Variants in ARHGAP21 observed in about 807,000 individuals in gnomAD.
ARHGAP21 encodes rho GTPase-activating protein 21.
Under a neutral mutation model 164.6 loss-of-function variants are expected in ARHGAP21, and 38 were observed. The ratio of observed to expected loss-of-function variants is 0.23; its 90% CI spans 0.18 to 0.30. The LOEUF (loss-of-function observed/expected upper bound fraction) is 0.30. ARHGAP21 is among the 10% of genes least tolerant of loss of function. The pLI, the probability that ARHGAP21 is intolerant of heterozygous loss-of-function variation, is 1.00. For synonymous variants in ARHGAP21, 766 were observed against 857.9 expected, an observed-to-expected ratio of 0.89 and a Z score of 1.87; for missense variants, 1,822 against 2,370.7, an observed-to-expected ratio of 0.77 and a Z score of 4.81.
At position 24,600,781 on chromosome 10, in the gene ARHGAP21, A is replaced by G; in HGVS notation, c.2997T>C (p.Ser999=). Residue 999 remains serine (S), a synonymous_variant, in exon 14 of 26, where the codon TCT becomes TCC. Transcript: ENST00000396432. ...CATTTTTCCTCTTGGTCTCACTGTAAGAGATGTCTATCAAGCAAGCATTAA... is the reference window on the plus strand; with the variant it reads ...CATTTTTCCTCTTGGTCTCACTGTAGGAGATGTCTATCAAGCAAGCATTAA... The part of the protein sequence containing the change: ...ISVNACLIDI[S]YSETKRKNVF... 1 of 1,614,090 alleles carries G rather than the reference A, an allele frequency of 6.2e-7. No individual in the cohort carries two copies. The highest frequency in any genetic ancestry group is 8.5e-7 in the Non-Finnish European group (1 of 1,179,966).
At chr10:24,719,456 T>C (rs1845714246) in intron 2 of ARHGAP21, among the ~76,000 whole-genome samples, 1 of 152,210 alleles carries the variant, frequency 6.6e-6, no homozygotes, top group Non-Finnish European at 1.5e-5. Flanking sequence ...AAGGTGGAGT[T>C]GGCTAATTAG....
At chr10:24,656,369 C>T (rs1478271368) in intron 4 of ARHGAP21, among the ~76,000 whole-genome samples, 12 of 106,580 alleles carry the variant, frequency 1.1e-4, no homozygotes, top group African/African-American at 4.1e-4. Flanking sequence ...CCCGGCCAGC[C>T]GCCCCGTCCG....
intron 7 of ARHGAP21, among the ~76,000 whole-genome samples, chr10:24,628,630 T>C (rs1156354598): frequency 6.6e-6 from 1 of 151,952 alleles, no homozygotes; most frequent in Non-Finnish European, 1.5e-5. Context: ...AATAAATACT[T>C]CAGCGGCCAC....
Position 24,620,633 on chromosome 10 carries a change from C to T in ARHGAP21, c.1262G>A (p.Ser421Asn), listed in dbSNP as rs2131185444. 1 of 1,614,220 alleles carries T rather than the reference C, an allele frequency of 6.2e-7. No individual in the cohort carries two copies. The highest frequency in any genetic ancestry group is 1.7e-5 in the Admixed American group (1 of 60,026). The change falls in exon 9 of 26, where the codon AGC becomes AAC. Residue 421 changes from serine (S) to asparagine (N), a missense_variant. By Grantham distance (46) the Ser-to-Asn change is conservative (BLOSUM62 1). Transcript: ENST00000396432. Reference protein sequence around the residue: ...RLDSLRAASQSTTDYNQVVPN... With the variant: ...RLDSLRAASQNTTDYNQVVPN... ...GACGACCTGGTTATAATCTGTCGTG[C>T]TTTGAGATGCTGCTCTTAAACTATC...
chr10:24,695,644 C>G (rs993084345), intron 2 of ARHGAP21, among the ~76,000 whole-genome samples: 1 of 152,002 alleles, frequency 6.6e-6, no homozygotes, highest in Non-Finnish European at 1.5e-5. Flanking sequence ...AGCACTGTGA[C>G]CTGTCTCGCC....
intron 7 of ARHGAP21, among the ~76,000 whole-genome samples, chr10:24,623,496 T>C (rs1374142181): frequency 2.0e-5 from 3 of 152,248 alleles, no homozygotes; most frequent in Non-Finnish European, 4.4e-5. Context: ...AGTATTTTTA[T>C]GGCATGAATA....
chr10:24,662,962 G>T (rs550758924), intron 4 of ARHGAP21, among the ~76,000 whole-genome samples: 2 of 81,136 alleles, frequency 2.5e-5, no homozygotes, highest in African/African-American at 9.2e-5. Flanking sequence ...GCAGATATGC[G>T]GATTTTTTTT....
chr10:24,701,840 T>C (rs571884283), intron 2 of ARHGAP21, among the ~76,000 whole-genome samples: 53 of 152,308 alleles, frequency 3.5e-4, no homozygotes, highest in African/African-American at 1.2e-3. Flanking sequence ...GCAGGCTGTA[T>C]ACAAGTATCT....
chr10:24,680,288 AT>A (rs1258387090), intron 2 of ARHGAP21, among the ~76,000 whole-genome samples: 5 of 151,998 alleles, frequency 3.3e-5, no homozygotes, highest in Non-Finnish European at 1.5e-5. Context: ...TATCTTTTAT[AT>A]TTTCCTTTTC....
intron 22 of ARHGAP21, 91 bp from the exon 23 acceptor site, chr10:24,591,774 T>G (rs2076341905): frequency 6.2e-7 from 1 of 1,600,276 alleles, no homozygotes; most frequent in African/African-American, 1.3e-5. Context: ...GGTAATTTTC[T>G]TAGGGAAAGA....
intron 2 of ARHGAP21, among the ~76,000 whole-genome samples, chr10:24,697,424 T>G (rs918685693): frequency 6.6e-6 from 1 of 152,082 alleles, no homozygotes; most frequent in Non-Finnish European, 1.5e-5. Flanking sequence ...CACTTTCCTA[T>G]CCCATCTTTT....
intron 21 of ARHGAP21, among the ~76,000 whole-genome samples, 185 bp from the exon 22 acceptor site, chr10:24,592,197 A>ACGTTCACCCAGGCTGCAG (rs1428483424): frequency 1.7e-5 from 2 of 120,496 alleles, no homozygotes; most frequent in East Asian, 4.6e-4. Flanking sequence ...ACAGGGTCTC[A>ACGTTCACCCAGGCTGCAG]CGTTCACCCA....
rs376555474 is a variant in ARHGAP21 at position 24,670,200 on chromosome 10, G to C, written c.243+18C>G. Reference sequence around the variant, plus strand: ...CCTTGTGGTTTTTTTTTCAAGTTGCGGTAACTATTTCTCTTACCTTATATG... The same window carrying C: ...CCTTGTGGTTTTTTTTTCAAGTTGCCGTAACTATTTCTCTTACCTTATATG... On this transcript the variant is annotated intron_variant, in intron 3 of 25. Transcript: ENST00000396432. 3 of 1,514,970 alleles carry C rather than the reference G, an allele frequency of 2.0e-6. No homozygotes were observed. Among genetic ancestry groups the C allele is most frequent in the Non-Finnish European group, 2.7e-6 (3 of 1,124,862 alleles). The allele number at this position is 1,514,970 out of a possible 1,614,324, so 93.8% of individuals were successfully genotyped here.
At chr10:24,638,521 G>A (rs977244218) in intron 4 of ARHGAP21, among the ~76,000 whole-genome samples, 65 of 152,272 alleles carry the variant, frequency 4.3e-4, no homozygotes, top group African/African-American at 1.3e-3. Context: ...GCCTGATCCC[G>A]AATTGTGGTA....
intron 2 of ARHGAP21, among the ~76,000 whole-genome samples, chr10:24,705,230 G>A (rs536575609): frequency 7.9e-5 from 12 of 152,136 alleles, no homozygotes; most frequent in Non-Finnish European, 1.6e-4. Flanking sequence ...AGCTTCGTTA[G>A]GCTCCTGGTA....
rs1845984567 is a variant in ARHGAP21 at position 24,722,011 on chromosome 10, G to C, written c.-112C>G. Reference sequence around the variant, plus strand: ...GAATTCCACAAGCAGGCTCCGAGGAGGGGCAGGGCTGTTGAAACAGACAAC... The same window carrying C: ...GAATTCCACAAGCAGGCTCCGAGGACGGGCAGGGCTGTTGAAACAGACAAC... On this transcript the variant is annotated 5_prime_UTR_variant, in exon 2 of 26. Transcript: ENST00000396432. 2.6e-6 allele frequency: 3 copies of C among 1,158,646 alleles called. No individual in the cohort carries two copies. Among genetic ancestry groups the C allele is most frequent in the Non-Finnish European group, 1.3e-6 (1 of 786,188 alleles). 71.8% of individuals were successfully genotyped at this position (1,158,646 alleles called of 1,614,324 possible).
intron 2 of ARHGAP21, among the ~76,000 whole-genome samples, chr10:24,713,791 C>T (rs937314142): frequency 1.3e-5 from 2 of 151,976 alleles, no homozygotes; most frequent in African/African-American, 4.8e-5. Flanking sequence ...GTTTCTCAAA[C>T]CTATAGTACA....
chr10:24,625,056 G>C (rs1437496717), intron 7 of ARHGAP21, among the ~76,000 whole-genome samples: 1 of 81,170 alleles, frequency 1.2e-5, no homozygotes, highest in Non-Finnish European at 2.4e-5. Flanking sequence ...AAAGTGGGGG[G>C]GGGGGGGGAG....
At chr10:24,672,529 T>A (rs1840810014) in intron 2 of ARHGAP21, among the ~76,000 whole-genome samples, 1 of 152,188 alleles carries the variant, frequency 6.6e-6, no homozygotes, top group Admixed American at 6.5e-5. Context: ...AAATCTGTAT[T>A]TCTAACCCAA....
Sources: gnomAD v4.1 joint callset for allele counts (sites outside exome capture counted in the v4.1 genomes callset) on GRCh38, gnomAD v4.1.1 for gene constraint, MANE v1.5 for transcripts, NCBI Gene and HGNC (gene_info 2026-07-23, HGNC 2026-07-21) for gene names.